Variants in GLIS3 observed in about 807,000 individuals in gnomAD.
GLIS3 encodes the protein GLIS family zinc finger 3.
A neutral mutation model predicts 78.6 loss-of-function variants in GLIS3; 53 were observed. The ratio of observed to expected loss-of-function variants is 0.67; its 90% CI spans 0.54 to 0.85. The LOEUF is 0.85. Among genes scored for constraint, GLIS3 ranks in the 40% least tolerant of loss-of-function variants. The probability of loss-of-function intolerance (pLI) is 0.00; values close to 1 mark genes in which losing one functional copy is unlikely to be tolerated. For missense variants in GLIS3, 1,703 were observed against 1,231.1 expected (o/e 1.38, Z -5.74); for synonymous variants, 684 against 509.9 (o/e 1.34, Z -4.60).
intron 4 of GLIS3, among the ~76,000 whole-genome samples, chr9:4,089,355 T>C (rs1182811906): frequency 6.6e-6 from 1 of 152,166 alleles, no homozygotes; most frequent in Non-Finnish European, 1.5e-5. Context: ...CATTTTTTTT[T>C]CCTTTACAAA....
chr9:4,057,101 C>T (rs1384537764), intron 4 of GLIS3, among the ~76,000 whole-genome samples: 1 of 151,998 alleles, frequency 6.6e-6, no homozygotes, highest in Admixed American at 6.6e-5. Flanking sequence ...TTCTAGAACA[C>T]CTGGATGTGC....
chr9:4,062,680 C>G (rs1353141732), intron 4 of GLIS3, among the ~76,000 whole-genome samples: 1 of 152,210 alleles, frequency 6.6e-6, no homozygotes, highest in Non-Finnish European at 1.5e-5. Flanking sequence ...GTAATCCCAG[C>G]ACTTCGGGAG....
the GLIS3 span, among the ~76,000 whole-genome samples, chr9:4,382,935 A>G: frequency 6.6e-6 from 1 of 152,322 alleles, no homozygotes; most frequent in South Asian, 2.1e-4. Context: ...AGGGCATCTC[A>G]CAAAGCAAAA....
chr9:3,899,890 AT>A (rs563778609), intron 6 of GLIS3, among the ~76,000 whole-genome samples: 77 of 152,338 alleles, frequency 5.1e-4, no homozygotes, highest in Middle Eastern at 3.4e-3. Flanking sequence ...GAGAAAAGTG[AT>A]GCGGAGAAGC....
At chr9:4,470,383 G>C in the GLIS3 span, among the ~76,000 whole-genome samples, 206 of 152,288 alleles carry the variant, frequency 1.4e-3, no homozygotes, top group African/African-American at 4.7e-3. Context: ...AAATCCAGCA[G>C]CACATCAAAA....
chr9:3,911,617 C>A lies in GLIS3; in HGVS notation c.1984-12782G>T, dbSNP rs79484554. Among the ~76,000 whole-genome samples, 866 of 152,154 alleles carry A rather than the reference C, an allele frequency of 5.7e-3. 16 individuals are homozygous for A. The highest frequency in any genetic ancestry group is 0.02 in the African/African-American group (840 of 41,508). On this transcript the variant is annotated intron_variant, in intron 6 of 10. Transcript: ENST00000381971. ...CAATATGGATCATAAAATATAAGAC[C>A]CAGACTACGTGGAGTTGAATTTTTG... is the stretch of plus-strand genomic sequence containing the variant.
upstream of GLIS3, chr9:4,348,515 T>C (rs917599105): frequency 6.6e-6 from 1 of 152,240 alleles, no homozygotes; most frequent in Non-Finnish European, 1.5e-5. Flanking sequence ...TATATCTCAT[T>C]GGCCAGAACT....
In GLIS3 at chr9:4,058,869, C is replaced by G. The variant is rs551996365; in HGVS notation, c.1710+58899G>C. 6.5e-4 allele frequency among the ~76,000 whole-genome samples: 99 copies of G among 151,898 alleles called. 1 individual carries two copies. Among genetic ancestry groups the G allele is most frequent in the African/African-American group, 2.3e-3 (97 of 41,380 alleles). ...TGGTGGCAGGTGCCTGTAATCCCAGCTACTGAGGAGGCTGAGGCAGGAGAA... is the reference window on the plus strand; with the variant it reads ...TGGTGGCAGGTGCCTGTAATCCCAGGTACTGAGGAGGCTGAGGCAGGAGAA... On this transcript the variant is annotated intron_variant, in intron 4 of 10. Transcript: ENST00000381971.
upstream of GLIS3, among the ~76,000 whole-genome samples, chr9:4,350,023 G>A (rs907718429): frequency 6.6e-6 from 1 of 152,174 alleles, no homozygotes; most frequent in South Asian, 2.1e-4. Context: ...CAAGAGCAGT[G>A]GGGCAAAACT....
intron 4 of GLIS3, among the ~76,000 whole-genome samples, chr9:3,982,587 T>C (rs747901244): frequency 2.0e-5 from 3 of 152,148 alleles, no homozygotes; most frequent in Non-Finnish European, 4.4e-5. Context: ...CAGGAAAAAA[T>C]TTGCTATATA....
the GLIS3 span, among the ~76,000 whole-genome samples, chr9:4,484,105 C>T: frequency 4.7e-3 from 715 of 152,308 alleles, 9 homozygotes; most frequent in African/African-American, 0.016. Context: ...TTAAAATCCA[C>T]TTGGCCCGCT....
Position 4,335,003 on chromosome 9 carries a change from G to A in GLIS3, n.264+12078C>T, listed in dbSNP as rs565445693. On this transcript the variant is annotated intron_variant and non_coding_transcript_variant, in intron 2 of 4. Transcript: ENST00000471664. ...GGCTCACCGCAAGCTCCACCTCCCGGGTTCATGCCATTCTCCTGCCTCAGC... is the reference window on the plus strand; with the variant it reads ...GGCTCACCGCAAGCTCCACCTCCCGAGTTCATGCCATTCTCCTGCCTCAGC... Among the ~76,000 whole-genome samples, 18 of 148,518 alleles carry A rather than the reference G, an allele frequency of 1.2e-4. No homozygotes were observed. In the South Asian group the frequency reaches 3.8e-3, roughly 32 times the overall value.
chr9:4,284,713 C>G (rs151224198), intron 2 of GLIS3, among the ~76,000 whole-genome samples: 231 of 151,178 alleles, frequency 1.5e-3, no homozygotes, highest in Non-Finnish European at 2.8e-3. Context: ...GAGTTGGAGA[C>G]CAGCCTGAGC....
At chr9:4,189,668 C>A (rs1468059893) in intron 2 of GLIS3, among the ~76,000 whole-genome samples, 1 of 152,164 alleles carries the variant, frequency 6.6e-6, no homozygotes, top group Non-Finnish European at 1.5e-5. Context: ...CTTTATAAAT[C>A]TGGATGCTCC....
intron 9 of GLIS3, among the ~76,000 whole-genome samples, chr9:3,850,881 G>A (rs1381150396): frequency 3.9e-5 from 6 of 152,158 alleles, no homozygotes; most frequent in East Asian, 3.9e-4. Flanking sequence ...CACTTGGCCT[G>A]CCCAATAAGG....
intron 1 of GLIS3, among the ~76,000 whole-genome samples, chr9:4,290,522 G>C (rs1828362411): frequency 6.6e-6 from 1 of 152,104 alleles, no homozygotes; most frequent in Non-Finnish European, 1.5e-5. Context: ...GTAGCCAGAA[G>C]AATCTAGAAA....
At chr9:4,309,170 A>G (rs1345936220) in intron 3 of GLIS3, among the ~76,000 whole-genome samples, 3 of 152,192 alleles carry the variant, frequency 2.0e-5, no homozygotes, top group East Asian at 1.9e-4. Context: ...TTTTGTGTAT[A>G]TGCCCGTGCC....
At chr9:4,024,626 G>A (rs1823168411) in intron 4 of GLIS3, among the ~76,000 whole-genome samples, 1 of 152,158 alleles carries the variant, frequency 6.6e-6, no homozygotes, top group African/African-American at 2.4e-5. Flanking sequence ...CATAACATAG[G>A]GAGTGCATGG....
intron 4 of GLIS3, among the ~76,000 whole-genome samples, chr9:4,054,752 A>G (rs945586326): frequency 2.7e-5 from 4 of 150,340 alleles, no homozygotes; most frequent in African/African-American, 4.9e-5. Flanking sequence ...TTTTTTTGTT[A>G]TGTTTCATTT....
Sources: gnomAD v4.1 joint callset for allele counts (sites outside exome capture counted in the v4.1 genomes callset) on GRCh38, gnomAD v4.1.1 for gene constraint, MANE v1.5 for transcripts, NCBI Gene and HGNC (gene_info 2026-07-23, HGNC 2026-07-21) for gene names.